RAB3C: variants seen among roughly 807,000 people sequenced by gnomAD.
RAB3C encodes the protein ras-related protein Rab-3C.
Under a neutral mutation model 26.4 loss-of-function variants are expected in RAB3C, and 17 were observed. That is an observed-to-expected ratio of 0.64 (90% CI 0.44 to 0.97). The LOEUF (loss-of-function observed/expected upper bound fraction) is 0.97, where lower values mean the gene tolerates loss of function less well. Ranked by LOEUF, RAB3C falls within the 50% of genes least tolerant of loss-of-function variation. RAB3C has a pLI of 0.00. For missense variants in RAB3C, 242 were observed against 281.9 expected, an observed-to-expected ratio of 0.86 and a Z score of 1.01; for synonymous variants, 91 against 95.9, an observed-to-expected ratio of 0.95 and a Z score of 0.30.
At chr5:58,743,490 C>A (rs1405805261) in intron 3 of RAB3C, among the ~76,000 whole-genome samples, 1 of 151,980 alleles carries the variant, frequency 6.6e-6, no homozygotes, top group Non-Finnish European at 1.5e-5. Context: ...TGGTTTGCTG[C>A]ACCCATCAAC....
At chr5:58,822,281 C>A (rs1178058588) in intron 3 of RAB3C, among the ~76,000 whole-genome samples, 1 of 152,218 alleles carries the variant, frequency 6.6e-6, no homozygotes, top group Non-Finnish European at 1.5e-5. Flanking sequence ...CCCACATTTG[C>A]CACTTTACTG....
chr5:58,799,857 G>A (rs1341872096), intron 3 of RAB3C, among the ~76,000 whole-genome samples: 1 of 152,110 alleles, frequency 6.6e-6, no homozygotes, highest in Non-Finnish European at 1.5e-5. Flanking sequence ...AGCTTTAATA[G>A]AAGTCAATGT....
chr5:58,712,910 G>T (rs932874602), intron 2 of RAB3C, among the ~76,000 whole-genome samples: 1 of 152,158 alleles, frequency 6.6e-6, no homozygotes. Flanking sequence ...TGGGTGAGAG[G>T]AGTGTAGTCA....
chr5:58,607,482 A>G, intron 1 of RAB3C, among the ~76,000 whole-genome samples: 1 of 152,206 alleles, frequency 6.6e-6, no homozygotes. Flanking sequence ...AAGTTGGAAA[A>G]CACTCTTCAG....
At chr5:58,734,192 A>T (rs1402942377) in intron 3 of RAB3C, among the ~76,000 whole-genome samples, 1 of 152,032 alleles carries the variant, frequency 6.6e-6, no homozygotes, top group African/African-American at 2.4e-5. Flanking sequence ...TCACCTTCAA[A>T]TGTTCCCTTC....
intron 1 of RAB3C, among the ~76,000 whole-genome samples, chr5:58,606,058 G>C (rs1269803929): frequency 6.6e-6 from 1 of 152,194 alleles, no homozygotes. Flanking sequence ...TGGACAGTGG[G>C]TGCAGCCCAC....
In RAB3C at chr5:58,725,909, A is replaced by G. The variant is rs1476006021; in HGVS notation, c.253-93A>G. ...GCTATACACAACAAGTACATTTTAG[A>G]CTCTATTGTGACTCTTTTTGGAATT... is the stretch of plus-strand genomic sequence containing the variant. On this transcript the variant is annotated intron_variant, in intron 2 of 4. Coordinates refer to ENST00000282878, the MANE Select transcript of RAB3C (RefSeq NM_138453.4). The G allele has an allele frequency of 4.3e-6, 3 of 690,930 alleles. No individual in the cohort carries two copies. The East Asian group carries it at 8.1e-5, about 19-fold the overall frequency. 42.8% of individuals were successfully genotyped at this position (690,930 alleles called of 1,614,324 possible). A position where few individuals can be genotyped will look rare whatever the true frequency, so the allele number is the denominator to read the frequency against.
chr5:58,801,649 A>G (rs1742810454), intron 3 of RAB3C, among the ~76,000 whole-genome samples: 1 of 152,240 alleles, frequency 6.6e-6, no homozygotes, highest in East Asian at 1.9e-4. Flanking sequence ...GGGATCTTCT[A>G]TTTTCTGGCC....
At chr5:58,682,979 C>G (rs2111843941) in intron 2 of RAB3C, among the ~76,000 whole-genome samples, 1 of 152,348 alleles carries the variant, frequency 6.6e-6, no homozygotes, top group East Asian at 1.9e-4. Context: ...AAACATGCAA[C>G]AAACGATGTT....
chr5:58,693,177 AATT>A (rs1394105665), intron 2 of RAB3C, among the ~76,000 whole-genome samples: 2 of 145,802 alleles, frequency 1.4e-5, no homozygotes, highest in African/African-American at 2.5e-5. Flanking sequence ...ATATAAATAT[AATT>A]AAGATAAGTT....
chr5:58,737,915 C>T (rs1376762787), intron 3 of RAB3C, among the ~76,000 whole-genome samples: 1 of 152,018 alleles, frequency 6.6e-6, no homozygotes, highest in Non-Finnish European at 1.5e-5. Flanking sequence ...AAAAAAATGT[C>T]TTATCTTACA....
At chr5:58,793,341 G>A (rs1478838582) in intron 3 of RAB3C, among the ~76,000 whole-genome samples, 3 of 152,010 alleles carry the variant, frequency 2.0e-5, no homozygotes, top group African/African-American at 7.2e-5. Context: ...GGCAGATCAC[G>A]AGGTCAAGAG....
intron 3 of RAB3C, chr5:58,823,034 A>G (rs1743379232): frequency 5.1e-6 from 3 of 586,910 alleles, no homozygotes; most frequent in East Asian, 4.0e-5. Context: ...TGTCCCTCAC[A>G]GTACCAGATG....
In RAB3C at chr5:58,610,527, A is replaced by C. The variant is rs542901585; in HGVS notation, c.25-7116A>C. Reference sequence around the variant, plus strand: ...ATGTTGAGTATGTTTTTTGTTTGCAATTTGCCATTTTCTTTTCTTTTTTTC... The same window carrying C: ...ATGTTGAGTATGTTTTTTGTTTGCACTTTGCCATTTTCTTTTCTTTTTTTC... On this transcript the variant is annotated intron_variant, in intron 1 of 4. Coordinates refer to ENST00000282878, the MANE Select transcript of RAB3C (RefSeq NM_138453.4). Among the ~76,000 whole-genome samples the C allele has an allele frequency of 5.9e-5, 9 of 151,954 alleles. No individual in the cohort carries two copies. In the East Asian group the frequency reaches 9.6e-4, roughly 16 times the overall value.
At chr5:58,591,311 C>G (rs1054495600) in intron 1 of RAB3C, among the ~76,000 whole-genome samples, 2 of 152,056 alleles carry the variant, frequency 1.3e-5, no homozygotes, top group Admixed American at 6.6e-5. Context: ...TCTATTTATA[C>G]TATCAATTAC....
chr5:58,819,497 T>G (rs1182335603), intron 3 of RAB3C, among the ~76,000 whole-genome samples: 1 of 152,234 alleles, frequency 6.6e-6, no homozygotes, highest in East Asian at 1.9e-4. Flanking sequence ...CGAGCTCTTA[T>G]TTCAACCTAG....
chr5:58,630,538 A>T (rs1579826884), intron 2 of RAB3C, among the ~76,000 whole-genome samples: 1 of 152,230 alleles, frequency 6.6e-6, no homozygotes, highest in African/African-American at 2.4e-5. Flanking sequence ...AGTGGCATTT[A>T]AAAAAATCTC....
intron 1 of RAB3C, among the ~76,000 whole-genome samples, chr5:58,591,685 T>C (rs1342451959): frequency 1.3e-5 from 2 of 150,196 alleles, no homozygotes; most frequent in African/African-American, 4.9e-5. Context: ...GTTGGGCTTT[T>C]CATTTTTTTC....
intron 3 of RAB3C, among the ~76,000 whole-genome samples, chr5:58,748,446 C>T (rs1741446649): frequency 6.6e-6 from 1 of 152,064 alleles, no homozygotes; most frequent in East Asian, 1.9e-4. Flanking sequence ...GTAATTATCT[C>T]AAAAAGTCTG....
Sources: gnomAD v4.1 joint callset for allele counts (sites outside exome capture counted in the v4.1 genomes callset) on GRCh38, gnomAD v4.1.1 for gene constraint, MANE v1.5 for transcripts, NCBI Gene and HGNC (gene_info 2026-07-23, HGNC 2026-07-21) for gene names.